PIP5K1B: variants seen among roughly 807,000 people sequenced by gnomAD.
PIP5K1B encodes phosphatidylinositol 4-phosphate 5-kinase type-1 beta.
PIP5K1B carries 42 observed loss-of-function variants against 67.0 expected under a neutral mutation model. That is an observed-to-expected ratio of 0.63 (90% CI 0.49 to 0.81). PIP5K1B has a LOEUF of 0.81. Among genes scored for constraint, PIP5K1B ranks in the 30% least tolerant of loss-of-function variants. The probability of loss-of-function intolerance (pLI) is 0.00; values close to 1 mark genes in which losing one functional copy is unlikely to be tolerated. For missense variants in PIP5K1B, 459 were observed against 646.3 expected, an observed-to-expected ratio of 0.71 and a Z score of 3.14; for synonymous variants, 214 against 231.4, an observed-to-expected ratio of 0.92 and a Z score of 0.68.
intron 4 of PIP5K1B, among the ~76,000 whole-genome samples, chr9:68,844,593 C>T (rs1242116280): frequency 1.3e-5 from 2 of 151,028 alleles, no homozygotes; most frequent in Non-Finnish European, 3.0e-5. Flanking sequence ...GGGGGAGATC[C>T]AGTGGGGGAG....
intron 9 of PIP5K1B, among the ~76,000 whole-genome samples, chr9:68,918,639 G>T (rs1001912065): frequency 1.3e-5 from 2 of 152,194 alleles, no homozygotes; most frequent in Admixed American, 1.3e-4. Context: ...TACTAGCTGA[G>T]CAAGGAGACT....
At chr9:68,850,557 TAAG>T in intron 4 of PIP5K1B, among the ~76,000 whole-genome samples, 1 of 152,262 alleles carries the variant, frequency 6.6e-6, no homozygotes, top group East Asian at 1.9e-4. Flanking sequence ...AACTGCTAAG[TAAG>T]AAGAGAATAG....
At chr9:68,896,711 A>G (rs1364182525) in intron 8 of PIP5K1B, among the ~76,000 whole-genome samples, 3 of 152,168 alleles carry the variant, frequency 2.0e-5, no homozygotes, top group African/African-American at 7.2e-5. Context: ...CCCTTCCCTG[A>G]TCTGTCCTGA....
chr9:68,952,308 C>G (rs763820636), intron 14 of PIP5K1B, among the ~76,000 whole-genome samples: 3 of 152,148 alleles, frequency 2.0e-5, no homozygotes, highest in African/African-American at 7.2e-5. Context: ...CTTTTATTGT[C>G]TTGCAGAAGT....
At chr9:68,742,275 C>T (rs554014692) in intron 1 of PIP5K1B, 1 of 152,304 alleles carries the variant, frequency 6.6e-6, no homozygotes, top group South Asian at 2.1e-4. Flanking sequence ...AAGTTCTAAA[C>T]AGCTGAGTTT....
At chr9:68,815,340 G>A (rs1295882649) in intron 2 of PIP5K1B, among the ~76,000 whole-genome samples, 1 of 151,194 alleles carries the variant, frequency 6.6e-6, no homozygotes, top group Non-Finnish European at 1.5e-5. Context: ...AAGAAAGAAG[G>A]TATTATTAAT....
intron 4 of PIP5K1B, among the ~76,000 whole-genome samples, chr9:68,856,143 T>C (rs1403794136): frequency 6.6e-6 from 1 of 152,140 alleles, no homozygotes; most frequent in East Asian, 1.9e-4. Flanking sequence ...TAGGATGGCC[T>C]ATAAGACCCA....
intron 4 of PIP5K1B, among the ~76,000 whole-genome samples, chr9:68,846,913 C>G (rs1400122357): frequency 1.3e-5 from 2 of 152,080 alleles, no homozygotes; most frequent in African/African-American, 4.8e-5. Flanking sequence ...GTTTCACTAC[C>G]ATTTATTATA....
intron 2 of PIP5K1B, among the ~76,000 whole-genome samples, chr9:68,774,158 T>G (rs1265324147): frequency 6.6e-6 from 1 of 152,154 alleles, no homozygotes; most frequent in African/African-American, 2.4e-5. Context: ...TAGAAGTAAC[T>G]AACTTTAAGG....
chr9:68,946,398 T>G (rs748030457), intron 14 of PIP5K1B, among the ~76,000 whole-genome samples: 3 of 148,902 alleles, frequency 2.0e-5, no homozygotes, highest in African/African-American at 7.8e-5. Context: ...TGGTTTTTTG[T>G]TTTTTGTTTT....
intron 4 of PIP5K1B, among the ~76,000 whole-genome samples, chr9:68,847,635 T>C (rs535268537): frequency 1.7e-4 from 26 of 152,198 alleles, no homozygotes; most frequent in African/African-American, 5.8e-4. Context: ...ACCTTTCCAC[T>C]TTGGCCCCAT....
chr9:68,857,102 A>G (rs1175954387), intron 4 of PIP5K1B, among the ~76,000 whole-genome samples: 1 of 152,116 alleles, frequency 6.6e-6, no homozygotes, highest in East Asian at 1.9e-4. Context: ...GGAAGAGGCC[A>G]CAAGGAATGC....
Position 68,917,692 on chromosome 9 carries a change from A to G in PIP5K1B, c.916A>G (p.Thr306Ala). 6.2e-7 allele frequency: 1 copy of G among 1,614,180 alleles called. No individual in the cohort carries two copies. The highest frequency in any genetic ancestry group is 8.5e-7 in the Non-Finnish European group (1 of 1,179,978). The change falls in exon 9 of 16, where the codon ACA becomes GCA. Residue 306 changes from threonine (T) to alanine (A), a missense_variant. Physicochemically the swap from Thr to Ala is moderately conservative, Grantham distance 58 (BLOSUM62 0). Transcript: ENST00000265382. ...TGGGATGCAGAAGGTTCTCTACTCA[A>G]CAGCCATGGAATCTATCCAGGGTCC... is the stretch of plus-strand genomic sequence containing the variant. The part of the protein sequence containing the change: ...RTGMQKVLYS[T>A]AMESIQGPGK...
chr9:68,824,131 C>G (rs747123114), intron 4 of PIP5K1B: 6 of 518,826 alleles, frequency 1.2e-5, no homozygotes, highest in South Asian at 4.2e-5. Flanking sequence ...CTCGTTTACC[C>G]AAGATTCCGT....
intron 2 of PIP5K1B, among the ~76,000 whole-genome samples, chr9:68,786,983 T>C (rs536828841): frequency 6.6e-6 from 1 of 152,206 alleles, no homozygotes; most frequent in Non-Finnish European, 1.5e-5. Context: ...CACAGCCATG[T>C]CTACCTTCAT....
chr9:68,890,188 G>A (rs1824711608), intron 7 of PIP5K1B, among the ~76,000 whole-genome samples: 1 of 152,158 alleles, frequency 6.6e-6, no homozygotes. Context: ...AGAATTTCAT[G>A]GGTAAATGTG....
chr9:68,709,453 TAA>T (rs1465379976), intron 1 of PIP5K1B, among the ~76,000 whole-genome samples: 1 of 152,078 alleles, frequency 6.6e-6, no homozygotes, highest in African/African-American at 2.4e-5. Flanking sequence ...GGCTGGTCTG[TAA>T]CTCGTGGATT....
intron 2 of PIP5K1B, among the ~76,000 whole-genome samples, chr9:68,776,900 C>G (rs1830946259): frequency 6.6e-6 from 1 of 152,092 alleles, no homozygotes; most frequent in African/African-American, 2.4e-5. Flanking sequence ...GTCCTTGATT[C>G]CTTCGAAAGG....
intron 4 of PIP5K1B, among the ~76,000 whole-genome samples, chr9:68,857,112 C>T (rs556399321): frequency 2.0e-5 from 3 of 151,978 alleles, no homozygotes; most frequent in East Asian, 1.9e-4. Flanking sequence ...ACAAGGAATG[C>T]GGGTGGACTC....
Sources: allele counts gnomAD v4.1 joint callset (sites outside exome capture counted in the v4.1 genomes callset), GRCh38; gene constraint gnomAD v4.1.1; transcripts MANE v1.5; gene names NCBI Gene and HGNC (gene_info 2026-07-23, HGNC 2026-07-21).